Variants in AMMECR1 observed in about 807,000 individuals in gnomAD.
AMMECR1 encodes the protein nuclear protein AMMECR1.
AMMECR1 carries 3 observed loss-of-function variants against 22.5 expected under a neutral mutation model. The ratio of observed to expected loss-of-function variants is 0.13; its 90% confidence interval spans 0.06 to 0.35. The LOEUF (loss-of-function observed/expected upper bound fraction) is 0.35, where lower values mean the gene tolerates loss of function less well. Ranked by LOEUF, AMMECR1 falls within the 10% of genes least tolerant of loss-of-function variation. The pLI is 1.00. For missense variants in AMMECR1, 235 were observed against 278.7 expected (o/e 0.84, Z 1.12); for synonymous variants, 130 against 116.7 (o/e 1.11, Z -0.74).
intron 2 of AMMECR1, among the ~76,000 whole-genome samples, chrX:110,347,428 T>C (rs1337167495): frequency 8.8e-6 from 1 of 113,346 alleles, no homozygotes; most frequent in Admixed American, 9.3e-5. Flanking sequence ...TTGCAGATTT[T>C]GGGCTGGGAA....
At chrX:110,269,930 T>C (rs1454485086) in intron 1 of AMMECR1, among the ~76,000 whole-genome samples, 2 of 111,913 alleles carry the variant, frequency 1.8e-5, no homozygotes, top group African/African-American at 6.5e-5. Flanking sequence ...CTCACTGTTA[T>C]GGAGGCTAGA....
intron 1 of AMMECR1, among the ~76,000 whole-genome samples, chrX:110,280,182 C>T (rs1165770241): frequency 9.0e-6 from 1 of 111,118 alleles, no homozygotes; most frequent in African/African-American, 3.3e-5. Flanking sequence ...TAGAGAGAGC[C>T]ATTAACTTGT....
chrX:110,309,754 T>G (rs2068015378), intron 1 of AMMECR1, among the ~76,000 whole-genome samples: 1 of 112,330 alleles, frequency 8.9e-6, no homozygotes, highest in South Asian at 3.7e-4. Flanking sequence ...CAGATCCAGC[T>G]TGATTCAATC....
intron 2 of AMMECR1, among the ~76,000 whole-genome samples, chrX:110,224,610 A>T (rs2067522612): frequency 1.8e-5 from 2 of 111,637 alleles, no homozygotes; most frequent in Non-Finnish European, 3.8e-5. Flanking sequence ...ATTATACTGC[A>T]GGCAGGGATT....
intron 2 of AMMECR1, among the ~76,000 whole-genome samples, chrX:110,232,723 T>A (rs1458789893): frequency 1.4e-4 from 15 of 107,695 alleles, no homozygotes; most frequent in Non-Finnish European, 2.5e-4. Flanking sequence ...ACCCCATCTC[T>A]ACTAAAAATA....
At position 110,323,937 on chromosome X, in the gene AMMECR1, T is replaced by G. The variant is rs1335664265; in HGVS notation, c.-147-6088A>C. 2.7e-5 allele frequency among the ~76,000 whole-genome samples: 3 copies of G among 111,917 alleles called. 1 individual carries two copies. Among genetic ancestry groups the G allele is most frequent in the Non-Finnish European group, 5.6e-5 (3 of 53,198 alleles). On this transcript the variant is annotated intron_variant, in intron 2 of 7. Coordinates refer to the AMMECR1 transcript ENST00000372057. Reference sequence around the variant, plus strand: ...TAAACTTTTTTGTTAAATTTATTCCTATTTTATTCTTTTTGATGCTATTGA... The same window carrying G: ...TAAACTTTTTTGTTAAATTTATTCCGATTTTATTCTTTTTGATGCTATTGA...
intron 2 of AMMECR1, among the ~76,000 whole-genome samples, chrX:110,225,937 C>T (rs2067530637): frequency 8.9e-6 from 1 of 111,732 alleles, no homozygotes; most frequent in African/African-American, 3.3e-5. Context: ...AGGAGAGCAT[C>T]AGGGTCAATC....
At chrX:110,270,722 T>A (rs1225237465) in intron 1 of AMMECR1, among the ~76,000 whole-genome samples, 1 of 111,885 alleles carries the variant, frequency 8.9e-6, no homozygotes, top group Admixed American at 9.5e-5. Context: ...TTCTACATTA[T>A]CACCATTAGA....
intron 1 of AMMECR1, among the ~76,000 whole-genome samples, chrX:110,280,451 G>A (rs969385822): frequency 9.0e-6 from 1 of 111,145 alleles, no homozygotes; most frequent in East Asian, 2.8e-4. Flanking sequence ...AAATTCACTA[G>A]AAAAAAATGC....
In AMMECR1 at chrX:110,349,336, G is replaced by C. The variant is rs1036684676; in HGVS notation, c.-147-31487C>G. 1.9e-4 allele frequency among the ~76,000 whole-genome samples: 21 copies of C among 111,704 alleles called. 1 individual carries two copies. In the East Asian group the frequency reaches 4.8e-3, roughly 25 times the overall value. On this transcript the variant is annotated intron_variant, in intron 2 of 7. Coordinates refer to the AMMECR1 transcript ENST00000372057. ...CAGTTTTGGAGACTGAGAAGTCCAA[G>C]ATTGAGATTAGGGTGCCAATGTGCT...
At chrX:110,294,708 A>G (rs189528662) in intron 1 of AMMECR1, among the ~76,000 whole-genome samples, 13 of 112,174 alleles carry the variant, frequency 1.2e-4, no homozygotes, top group African/African-American at 3.9e-4. Flanking sequence ...AATGTAAGTT[A>G]TAATGGTATT....
chrX:110,246,622 G>A (rs1484670204), intron 2 of AMMECR1, among the ~76,000 whole-genome samples: 1 of 112,080 alleles, frequency 8.9e-6, no homozygotes, highest in East Asian at 2.8e-4. Context: ...GTCCTCAAGG[G>A]ACTACCAATC....
At chrX:110,254,544 T>C (rs1436154295) in intron 2 of AMMECR1, among the ~76,000 whole-genome samples, 5 of 111,398 alleles carry the variant, frequency 4.5e-5, no homozygotes, top group Non-Finnish European at 9.4e-5. Context: ...AGGTGAAAGT[T>C]TGAGAAAATG....
intron 2 of AMMECR1, among the ~76,000 whole-genome samples, chrX:110,338,121 A>G (rs1602908436): frequency 8.9e-6 from 1 of 112,285 alleles, no homozygotes; most frequent in South Asian, 3.7e-4. Flanking sequence ...GTACAAGATG[A>G]AAAGGGTTAT....
At chrX:110,436,808 G>C (rs1398448761) in intron 1 of AMMECR1, among the ~76,000 whole-genome samples, 1 of 112,186 alleles carries the variant, frequency 8.9e-6, no homozygotes, top group African/African-American at 3.2e-5. Flanking sequence ...GAGGAGGAGA[G>C]CAGCTATGGG....
At chrX:110,440,229 AAGAG>A (rs758538143) in exon 1 of AMMECR1, 2 of 109,424 alleles carry the variant, frequency 1.8e-5, no homozygotes, top group South Asian at 3.9e-4. Context: ...AGCCCAGAGA[AAGAG>A]AGAGAGAGAG....
At chrX:110,384,846 G>A (rs901561202) in intron 2 of AMMECR1, among the ~76,000 whole-genome samples, 1 of 110,801 alleles carries the variant, frequency 9.0e-6, no homozygotes, top group African/African-American at 3.3e-5. Context: ...ATAAAGAGGT[G>A]CAAAACTCCT....
At chrX:110,348,639 A>AT (rs1223547840) in intron 2 of AMMECR1, among the ~76,000 whole-genome samples, 1 of 112,489 alleles carries the variant, frequency 8.9e-6, no homozygotes, top group Non-Finnish European at 1.9e-5. Flanking sequence ...AATGAGGTAG[A>AT]TTTTTATTCA....
At chrX:110,434,147 G>A (rs1181216325) in intron 1 of AMMECR1, among the ~76,000 whole-genome samples, 1 of 111,848 alleles carries the variant, frequency 8.9e-6, no homozygotes, top group Non-Finnish European at 1.9e-5. Flanking sequence ...CAGTATTTGT[G>A]TGACAGGGCC....
Sources: allele counts gnomAD v4.1 joint callset (sites outside exome capture counted in the v4.1 genomes callset), GRCh38; gene constraint gnomAD v4.1.1; transcripts MANE v1.5; gene names NCBI Gene and HGNC (gene_info 2026-07-23, HGNC 2026-07-21).